TTLL13: variants seen among roughly 807,000 people sequenced by gnomAD.
TTLL13 encodes the protein tubulin tyrosine ligase like 13.
At chr15:90,259,147 G>A in the TTLL13 span, 1 of 1,043,878 alleles carries the variant, frequency 9.6e-7, no homozygotes, top group Non-Finnish European at 1.3e-6. Context: ...AGGATTGCTT[G>A]AGCCCTAGAG....
the TTLL13 span, chr15:90,257,606 G>T: frequency 3.7e-6 from 6 of 1,607,230 alleles, no homozygotes; most frequent in Non-Finnish European, 4.3e-6. Context: ...CATGCAGACA[G>T]TCTGAGACCA....
At chr15:90,264,754 C>T in the TTLL13 span, 1 of 1,536,126 alleles carries the variant, frequency 6.5e-7, no homozygotes, top group Admixed American at 2.0e-5. Context: ...AAGCCATAAA[C>T]CGAGTCCTGG....
the TTLL13 span, chr15:90,256,144 T>C: frequency 3.3e-5 from 54 of 1,614,168 alleles, no homozygotes; most frequent in South Asian, 5.8e-4. Context: ...CACATAGCTA[T>C]GGGGACTTCC....
chr15:90,264,200 C>CT, the TTLL13 span: 169 of 604,600 alleles, frequency 2.8e-4, no homozygotes, highest in Middle Eastern at 1.2e-3. Flanking sequence ...TTATTTACTC[C>CT]TTTTTTTTTG....
chr15:90,261,591 C>A, the TTLL13 span, among the ~76,000 whole-genome samples: 1 of 151,806 alleles, frequency 6.6e-6, no homozygotes, highest in Non-Finnish European at 1.5e-5. Flanking sequence ...TCCGGCCTTG[C>A]CAACGTGGTG....
At chr15:90,257,328 G>C in the TTLL13 span, 3 of 1,578,262 alleles carry the variant, frequency 1.9e-6, no homozygotes, top group Non-Finnish European at 2.6e-6. Context: ...CAAAAGTGCT[G>C]AGGTTCTCTA....
At chr15:90,255,987 G>A in the TTLL13 span, 1 of 1,581,428 alleles carries the variant, frequency 6.3e-7, no homozygotes, top group Non-Finnish European at 8.6e-7. Flanking sequence ...AGGGATGGAA[G>A]TGGAATGAGA....
chr15:90,250,480 AAC>A, the TTLL13 span: 5 of 893,100 alleles, frequency 5.6e-6, no homozygotes, highest in East Asian at 1.3e-4. Flanking sequence ...TCCTCAGTGA[AAC>A]AGTTTTGTCC....
chr15:90,251,732 T>A, the TTLL13 span: 26 of 811,726 alleles, frequency 3.2e-5, no homozygotes, highest in Non-Finnish European at 4.1e-5. Flanking sequence ...GTACTGAGCT[T>A]CCTAGGTGTC....
the TTLL13 span, chr15:90,257,052 T>C: frequency 7.0e-5 from 88 of 1,253,392 alleles, no homozygotes; most frequent in African/African-American, 1.2e-3. Flanking sequence ...GAAATTCAAT[T>C]AGCTATGTGT....
At chr15:90,262,609 G>C in the TTLL13 span, 10 of 1,532,926 alleles carry the variant, frequency 6.5e-6, no homozygotes, top group East Asian at 2.4e-4. Flanking sequence ...GCCGACCCAG[G>C]GCAGGGCTCC....
chr15:90,253,354 TGAA>T, the TTLL13 span: 1 of 1,612,528 alleles, frequency 6.2e-7, no homozygotes, highest in Non-Finnish European at 8.5e-7. Context: ...GTCATGGACA[TGAA>T]GAGGTTTCAG....
the TTLL13 span, chr15:90,258,621 C>T: frequency 7.1e-6 from 6 of 844,054 alleles, no homozygotes; most frequent in Non-Finnish European, 1.1e-5. Context: ...GCCAGAGCAT[C>T]CAGCCTCCCC....
the TTLL13 span, chr15:90,263,127 A>G: frequency 6.5e-7 from 1 of 1,527,260 alleles, no homozygotes; most frequent in East Asian, 2.4e-5. Flanking sequence ...AGGGCCAGAA[A>G]AAACTTCATG....
the TTLL13 span, chr15:90,255,886 G>C: frequency 6.2e-7 from 1 of 1,614,222 alleles, no homozygotes. Context: ...TCCCCGCAGA[G>C]TGAGTGGGTC....
chr15:90,257,534 A>T, the TTLL13 span: 1 of 1,126,136 alleles, frequency 8.9e-7, no homozygotes, highest in Admixed American at 2.1e-5. Context: ...GAGACAGGAG[A>T]CGAGAGATCC....
chr15:90,253,132 A>C, the TTLL13 span: 1 of 646,356 alleles, frequency 1.5e-6, no homozygotes, highest in Non-Finnish European at 2.7e-6. Context: ...GGCAAGAACT[A>C]CCTCCCTCTT....
At chr15:90,262,216 G>C in the TTLL13 span, 6 of 1,508,890 alleles carry the variant, frequency 4.0e-6, no homozygotes, top group Non-Finnish European at 5.3e-6. Flanking sequence ...ATTCTCCTCT[G>C]CACACCTAGG....
the TTLL13 span, chr15:90,250,574 G>A: frequency 1.3e-6 from 2 of 1,561,626 alleles, no homozygotes; most frequent in East Asian, 4.5e-5. Flanking sequence ...CCTGAGGGAG[G>A]TCTGAGGTCT....
Sources: gnomAD v4.1 joint callset for allele counts (sites outside exome capture counted in the v4.1 genomes callset) on GRCh38, gnomAD v4.1.1 for gene constraint, MANE v1.5 for transcripts, NCBI Gene and HGNC (gene_info 2026-07-23, HGNC 2026-07-21) for gene names.